Variants in SLC14A2 observed in about 807,000 individuals in gnomAD.
SLC14A2 encodes solute carrier family 14 member 2, also known as urea transporter 2.
SLC14A2 carries 91 observed loss-of-function variants against 104.6 expected under a neutral mutation model. That is an observed-to-expected ratio of 0.87 (90% CI 0.73 to 1.04). The LOEUF (loss-of-function observed/expected upper bound fraction) is 1.04. SLC14A2 is among the 50% of genes least tolerant of loss of function. The pLI is 0.00. For synonymous variants in SLC14A2, 476 were observed against 466.4 expected (o/e 1.02, Z -0.27); for missense variants, 1,189 against 1,156.0 (o/e 1.03, Z -0.41).
At chr18:45,643,488 G>T (rs1347196217) in intron 9 of SLC14A2, among the ~76,000 whole-genome samples, 1 of 152,146 alleles carries the variant, frequency 6.6e-6, no homozygotes, top group Non-Finnish European at 1.5e-5. Flanking sequence ...CCAATTTTCA[G>T]CTCCATCATT....
At position 45,403,021 on chromosome 18, in the gene SLC14A2, T is replaced by C. The variant is rs528855533; in HGVS notation, c.-124-80212T>C. Among the ~76,000 whole-genome samples, 348 of 152,334 alleles carry C rather than the reference T, an allele frequency of 2.3e-3. 1 individual carries two copies. The highest frequency in any genetic ancestry group is 0.01 in the Middle Eastern group (3 of 294). On this transcript the variant is annotated intron_variant, in intron 1 of 20. Coordinates refer to the SLC14A2 transcript ENST00000586448. ...GATCTGCTAGAGCTGCCTTAACAAA[T>C]TATTACAGACTGGGTGGCTTAAACA... is the stretch of plus-strand genomic sequence containing the variant.
chr18:45,186,378 A>G, the SLC14A2 span, among the ~76,000 whole-genome samples: 1 of 152,184 alleles, frequency 6.6e-6, no homozygotes, highest in Non-Finnish European at 1.5e-5. Flanking sequence ...TTTTTTCCAT[A>G]TATGGTACGA....
intron 18 of SLC14A2, 52 bp downstream of exon 18, chr18:45,673,869 A>G: frequency 5.1e-6 from 8 of 1,577,878 alleles, no homozygotes; most frequent in Non-Finnish European, 6.9e-6. Context: ...CTTTTTACAT[A>G]AAACTGTTTT....
At chr18:45,417,572 A>G (rs9951541) in intron 1 of SLC14A2, among the ~76,000 whole-genome samples, 5,242 of 152,280 alleles carry the variant, frequency 0.034, 217 homozygotes, top group African/African-American at 0.095. Flanking sequence ...CTCACTCACT[A>G]TCAGGAGAAT....
chr18:45,218,451 C>T (rs1342592272), intron 1 of SLC14A2, among the ~76,000 whole-genome samples: 3 of 152,154 alleles, frequency 2.0e-5, no homozygotes, highest in East Asian at 1.9e-4. Context: ...ACTGTCCAAT[C>T]GGCATCTATA....
At chr18:45,212,559 C>T (rs2083970395), upstream of SLC14A2, among the ~76,000 whole-genome samples, 1 of 152,170 alleles carries the variant, frequency 6.6e-6, no homozygotes, top group Non-Finnish European at 1.5e-5. Flanking sequence ...CAACGTGATC[C>T]TTATTTATTG....
At chr18:45,432,301 C>A (rs909865056) in intron 1 of SLC14A2, among the ~76,000 whole-genome samples, 2 of 152,074 alleles carry the variant, frequency 1.3e-5, no homozygotes, top group African/African-American at 4.8e-5. Flanking sequence ...CAGGGGCAGG[C>A]GGGACCCAGG....
chr18:45,173,405 C>T, the SLC14A2 span, among the ~76,000 whole-genome samples: 1 of 151,660 alleles, frequency 6.6e-6, no homozygotes, highest in African/African-American at 2.4e-5. Flanking sequence ...GTTTTCCTTT[C>T]ATCATCATGC....
chr18:45,236,547 GTGTGTATATA>G lies in SLC14A2; in HGVS notation c.-125+23370_-125+23379del, dbSNP rs1207695685. ...TGTATATATGTATATATACATGTAT[GTGTGTATATA>G]TGTGTATATATGTATATATACATAT... On this transcript the variant is annotated intron_variant, in intron 1 of 20. Transcript: ENST00000586448. Among the ~76,000 whole-genome samples the G allele has an allele frequency of 1.3e-4, 12 of 90,554 alleles. 4 individuals are homozygous for G. Among genetic ancestry groups the G allele is most frequent in the Non-Finnish European group, 2.7e-4 (11 of 41,232 alleles). The allele number at this position is 90,554 out of a possible 152,430, so 59.4% of individuals were successfully genotyped here. A position where few individuals can be genotyped will look rare whatever the true frequency, so the allele number is the denominator to read the frequency against.
At chr18:45,404,947 C>T (rs2086137210) in intron 1 of SLC14A2, among the ~76,000 whole-genome samples, 1 of 152,188 alleles carries the variant, frequency 6.6e-6, no homozygotes, top group South Asian at 2.1e-4. Flanking sequence ...CAGCCTTGTT[C>T]TCAGTGCCAC....
intron 1 of SLC14A2, among the ~76,000 whole-genome samples, chr18:45,360,269 C>T (rs377170667): frequency 2.2e-4 from 33 of 152,342 alleles, no homozygotes; most frequent in South Asian, 1.7e-3. Flanking sequence ...TCCCTATGGA[C>T]GCTTCAGTGG....
At chr18:45,531,863 G>C (rs1180464841) in intron 2 of SLC14A2, among the ~76,000 whole-genome samples, 1 of 152,262 alleles carries the variant, frequency 6.6e-6, no homozygotes, top group Non-Finnish European at 1.5e-5. Flanking sequence ...AATCCATCTT[G>C]AATTACTTTT....
chr18:45,274,615 TC>T (rs2084683735), intron 1 of SLC14A2, among the ~76,000 whole-genome samples: 1 of 152,224 alleles, frequency 6.6e-6, no homozygotes, highest in Non-Finnish European at 1.5e-5. Flanking sequence ...ATTCTTACTT[TC>T]TCAAGGCAGG....
chr18:45,502,467 G>A (rs1159993562), intron 2 of SLC14A2, among the ~76,000 whole-genome samples: 1 of 152,154 alleles, frequency 6.6e-6, no homozygotes, highest in Non-Finnish European at 1.5e-5. Flanking sequence ...ACCATAAAAT[G>A]CATCTTATTC....
intron 2 of SLC14A2, among the ~76,000 whole-genome samples, chr18:45,523,398 C>T (rs1296293098): frequency 1.3e-5 from 2 of 151,642 alleles, no homozygotes; most frequent in African/African-American, 2.4e-5. Context: ...GGCGCAATCT[C>T]GGCTCACTGC....
intron 5 of SLC14A2, among the ~76,000 whole-genome samples, chr18:45,636,271 G>C (rs771654721): frequency 6.6e-6 from 1 of 152,160 alleles, no homozygotes; most frequent in Non-Finnish European, 1.5e-5. Flanking sequence ...TGGATGATGT[G>C]GGGTATTTGG....
intron 1 of SLC14A2, among the ~76,000 whole-genome samples, chr18:45,408,259 C>G (rs1354505752): frequency 6.6e-6 from 1 of 152,146 alleles, no homozygotes; most frequent in East Asian, 1.9e-4. Context: ...TTCTCTCTCT[C>G]TGGGGTAATT....
chr18:45,489,716 A>G lies in SLC14A2; in HGVS notation c.-35+6394A>G, dbSNP rs1052400261. 2.0e-5 allele frequency among the ~76,000 whole-genome samples: 3 copies of G among 152,328 alleles called. No homozygotes were observed. In the South Asian group the frequency reaches 6.2e-4, roughly 32 times the overall value. On this transcript the variant is annotated intron_variant, in intron 2 of 20. Coordinates refer to the SLC14A2 transcript ENST00000586448. ...TCTACCCTGAACAGAAGACCTTCGC[A>G]TCTCACTGGAAGATGCAAAACACTG... is the stretch of plus-strand genomic sequence containing the variant.
chr18:45,477,869 T>C lies in SLC14A2; in HGVS notation c.-124-5364T>C, dbSNP rs144826158. ...CGAGCATCCCAGGCTGACTTCAGACTGCTGTGCTGGCAGCAAGAATTTCAA... is the reference window on the plus strand; with the variant it reads ...CGAGCATCCCAGGCTGACTTCAGACCGCTGTGCTGGCAGCAAGAATTTCAA... On this transcript the variant is annotated intron_variant, in intron 1 of 20. Coordinates refer to the SLC14A2 transcript ENST00000586448. Among the ~76,000 whole-genome samples the C allele has an allele frequency of 7.2e-5, 11 of 152,322 alleles. No individual in the cohort carries two copies. The East Asian group carries it at 2.1e-3, about 29-fold the overall frequency.
Sources: gnomAD v4.1 joint callset for allele counts (sites outside exome capture counted in the v4.1 genomes callset) on GRCh38, gnomAD v4.1.1 for gene constraint, MANE v1.5 for transcripts, NCBI Gene and HGNC (gene_info 2026-07-23, HGNC 2026-07-21) for gene names.